The following IQSEC1 variants were observed in gnomAD, a reference collection of about 807,000 sequenced individuals.
The protein encoded by IQSEC1 is IQ motif and Sec7 domain ArfGEF 1.
IQSEC1 carries 31 observed loss-of-function variants against 91.0 expected under a neutral mutation model. The ratio of observed to expected loss-of-function variants is 0.34; its 90% CI spans 0.26 to 0.46. The LOEUF (loss-of-function observed/expected upper bound fraction) is 0.46, where lower values mean the gene tolerates loss of function less well. Ranked by LOEUF, IQSEC1 falls within the 20% of genes least tolerant of loss-of-function variation. The probability of loss-of-function intolerance (pLI) is 1.00; values close to 1 mark genes in which losing one functional copy is unlikely to be tolerated. For synonymous variants in IQSEC1, 699 were observed against 662.6 expected (o/e 1.05, Z -0.84); for missense variants, 1,388 against 1,575.6 (o/e 0.88, Z 2.02).
At chr3:13,261,288 C>T (rs1224121082) in intron 1 of IQSEC1, among the ~76,000 whole-genome samples, 1 of 152,142 alleles carries the variant, frequency 6.6e-6, no homozygotes, top group Non-Finnish European at 1.5e-5. Context: ...AATGTCCGGT[C>T]GATGTGGAGG....
At chr3:13,185,052 G>GAGA in intron 1 of IQSEC1, among the ~76,000 whole-genome samples, 1 of 152,178 alleles carries the variant, frequency 6.6e-6, no homozygotes, top group Non-Finnish European at 1.5e-5. Flanking sequence ...GATGCCAGGG[G>GAGA]TTTCAGATTC....
chr3:12,928,895 C>G (rs76525200), intron 3 of IQSEC1, among the ~76,000 whole-genome samples: 4,438 of 152,238 alleles, frequency 0.029, 74 homozygotes, highest in Non-Finnish European at 0.04. Flanking sequence ...GGAAGCTGTG[C>G]GGTCCCCTAT....
chr3:13,124,012 G>A (rs755554040), intron 2 of IQSEC1, among the ~76,000 whole-genome samples: 18 of 152,192 alleles, frequency 1.2e-4, no homozygotes, highest in African/African-American at 3.9e-4. Flanking sequence ...GAACAACAGC[G>A]GCCAAGGGAT....
intron 1 of IQSEC1, among the ~76,000 whole-genome samples, chr3:13,204,372 G>A (rs897796618): frequency 6.6e-6 from 1 of 152,286 alleles, no homozygotes; most frequent in Non-Finnish European, 1.5e-5. Flanking sequence ...AGTCACACCT[G>A]TACGACAGAG....
chr3:13,227,078 TA>T (rs35058530), intron 1 of IQSEC1, among the ~76,000 whole-genome samples: 47 of 146,032 alleles, frequency 3.2e-4, no homozygotes, highest in African/African-American at 4.3e-4. Context: ...ATACTGTCAC[TA>T]AAAAAAAAAA....
At chr3:13,029,259 A>G (rs1324929655) in intron 1 of IQSEC1, among the ~76,000 whole-genome samples, 4 of 152,190 alleles carry the variant, frequency 2.6e-5, no homozygotes, top group Non-Finnish European at 5.9e-5. Context: ...TGTGTGACTA[A>G]TTCATTTAAT....
intron 2 of IQSEC1, among the ~76,000 whole-genome samples, chr3:13,104,769 G>C (rs766440031): frequency 2.0e-5 from 3 of 152,194 alleles, no homozygotes; most frequent in Non-Finnish European, 4.4e-5. Flanking sequence ...CAACCAACTA[G>C]GTCCTGCCTG....
At chr3:12,926,626 C>T (rs1004868952) in intron 3 of IQSEC1, among the ~76,000 whole-genome samples, 2 of 152,210 alleles carry the variant, frequency 1.3e-5, no homozygotes, top group Admixed American at 1.3e-4. Flanking sequence ...GCCAGGTCAT[C>T]CACTAATTAG....
chr3:12,941,456 G>A, intron 2 of IQSEC1, 115 bp downstream of exon 2: 3 of 1,076,556 alleles, frequency 2.8e-6, no homozygotes, highest in East Asian at 2.6e-5. Flanking sequence ...TAGCCCACAT[G>A]CACCCCAACT....
intron 3 of IQSEC1, among the ~76,000 whole-genome samples, chr3:12,931,337 G>A (rs1324509767): frequency 6.6e-6 from 1 of 152,194 alleles, no homozygotes; most frequent in East Asian, 1.9e-4. Context: ...TCCATCATCA[G>A]CACCACAGGC....
In IQSEC1 at chr3:13,224,092, C is replaced by T. The variant is rs142791182; in HGVS notation, c.272+58619G>A. On this transcript the variant is annotated intron_variant, in intron 1 of 15. Coordinates refer to the IQSEC1 transcript ENST00000648114. ...ATGGAAGCAATGAGGAGGCCAACCTCGGGAGGCTGCTGGGAGGCTTCAGTG... is the reference window on the plus strand; with the variant it reads ...ATGGAAGCAATGAGGAGGCCAACCTTGGGAGGCTGCTGGGAGGCTTCAGTG... Among the ~76,000 whole-genome samples the T allele has an allele frequency of 1.3e-4, 20 of 152,220 alleles. No homozygotes were observed. In the East Asian group the frequency reaches 3.3e-3, roughly 25 times the overall value.
intron 1 of IQSEC1, among the ~76,000 whole-genome samples, chr3:12,973,980 T>C (rs1701031572): frequency 6.6e-6 from 1 of 152,320 alleles, no homozygotes; most frequent in South Asian, 2.1e-4. Flanking sequence ...TCTGTTTTCT[T>C]GTGGTCTTTA....
intron 1 of IQSEC1, among the ~76,000 whole-genome samples, chr3:12,945,195 G>A (rs1432499490): frequency 6.6e-6 from 1 of 152,190 alleles, no homozygotes; most frequent in Non-Finnish European, 1.5e-5. Context: ...CCCCGGGGCA[G>A]GGTATCTTTG....
intron 1 of IQSEC1, among the ~76,000 whole-genome samples, chr3:12,986,379 G>GC (rs998811086): frequency 4.6e-5 from 7 of 152,236 alleles, no homozygotes; most frequent in African/African-American, 1.4e-4. Flanking sequence ...CAGGAGCAGA[G>GC]CCTGCAGCTT....
intron 2 of IQSEC1, among the ~76,000 whole-genome samples, chr3:13,102,617 G>C (rs1216318730): frequency 6.6e-6 from 1 of 152,198 alleles, no homozygotes; most frequent in African/African-American, 2.4e-5. Context: ...GGGGATTGGG[G>C]ATTTGAAGAT....
chr3:13,092,275 G>GT (rs573555794), intron 2 of IQSEC1, among the ~76,000 whole-genome samples: 90 of 152,316 alleles, frequency 5.9e-4, no homozygotes, highest in African/African-American at 1.8e-3. Context: ...GCTCAGGGAA[G>GT]TAAGTTCTGG....
At chr3:13,171,593 C>T (rs1233417600) in intron 1 of IQSEC1, among the ~76,000 whole-genome samples, 5 of 152,156 alleles carry the variant, frequency 3.3e-5, no homozygotes, top group Non-Finnish European at 7.3e-5. Context: ...AATAGGTACC[C>T]GAAGACCTCA....
chr3:12,902,657 ACAAAAAAAAAAC>A, intron 13 of IQSEC1, 104 bp downstream of exon 13: 1 of 533,002 alleles, frequency 1.9e-6, no homozygotes, highest in Non-Finnish European at 3.2e-6. Flanking sequence ...AAAAAAAACA[ACAAAAAAAAAAC>A]CAAAAAAAAA....
chr3:12,935,837 G>T lies in IQSEC1; in HGVS notation c.1179C>A (p.Tyr393Ter). The change falls in exon 3 of 14, where the codon TAC (tyrosine) becomes TAA (stop). Residue 393 changes from tyrosine to a stop codon, truncating the protein, a stop_gained. Transcript: ENST00000613206. LOFTEE classifies it high-confidence loss of function. This position sits in a 1 kb window ranked among gnomAD's most constrained non-coding sequence, Gnocchi z 8.0. ...CCTGCTGCCCGCCAAGGCTGCGCTC[G>T]TAAGCACTCTGCCTCTTGAGTGACC... is the stretch of plus-strand genomic sequence containing the variant. ...ERGSLKRQSAYERSLGGQQGS... is the reference protein window; with the variant it reads ...ERGSLKRQSA 1 of 1,608,344 alleles carries T rather than the reference G, an allele frequency of 6.2e-7. No individual in the cohort carries two copies.
Sources: allele counts gnomAD v4.1 joint callset (sites outside exome capture counted in the v4.1 genomes callset), GRCh38; gene constraint gnomAD v4.1.1; non-coding constraint Gnocchi (gnomAD v3.1); transcripts MANE v1.5; gene names NCBI Gene and HGNC (gene_info 2026-07-23, HGNC 2026-07-21).